DRG1: variants seen among roughly 807,000 people sequenced by gnomAD.
DRG1 encodes developmentally regulated GTP binding protein 1.
DRG1 carries 19 observed loss-of-function variants against 38.8 expected under a neutral mutation model. That is an observed-to-expected ratio of 0.49 (90% CI 0.34 to 0.72). The LOEUF is 0.72. Ranked by LOEUF, DRG1 falls within the 30% of genes least tolerant of loss-of-function variation. The pLI, the probability that DRG1 is intolerant of heterozygous loss-of-function variation, is 0.01. For synonymous variants in DRG1, 167 were observed against 157.5 expected (o/e 1.06, Z -0.45); for missense variants, 299 against 444.8 (o/e 0.67, Z 2.95).
intron 1 of DRG1, 94 bp downstream of exon 1, chr22:31,399,819 C>T: frequency 1.3e-6 from 2 of 1,587,112 alleles, no homozygotes; most frequent in Non-Finnish European, 1.7e-6. Flanking sequence ...GCGTCAGGAC[C>T]GGGCCTAGAT....
intron 3 of DRG1, among the ~76,000 whole-genome samples, chr22:31,405,276 T>C (rs937013255): frequency 1.3e-5 from 2 of 151,880 alleles, no homozygotes; most frequent in African/African-American, 4.8e-5. Flanking sequence ...TAAGTGATTC[T>C]TCTACCGCAG....
At chr22:31,415,752 A>G (rs578213222) in intron 4 of DRG1, among the ~76,000 whole-genome samples, 5 of 152,088 alleles carry the variant, frequency 3.3e-5, no homozygotes, top group South Asian at 2.1e-4. Flanking sequence ...TGTTTTTTCT[A>G]TACTTTTAGG....
At chr22:31,402,231 G>C (rs746722238) in intron 2 of DRG1, among the ~76,000 whole-genome samples, 5 of 152,064 alleles carry the variant, frequency 3.3e-5, no homozygotes, top group Non-Finnish European at 5.9e-5. Flanking sequence ...CGTAAGATCT[G>C]TGCACCTGGT....
intron 8 of DRG1, among the ~76,000 whole-genome samples, chr22:31,433,076 A>G (rs1278934974): frequency 6.6e-6 from 1 of 151,978 alleles, no homozygotes; most frequent in Non-Finnish European, 1.5e-5. Context: ...GGACATATCA[A>G]TTACAGTTTC....
At chr22:31,423,523 CTTTTTT>C (rs1229925627) in intron 6 of DRG1, 113 bp downstream of exon 6, 444 of 477,280 alleles carry the variant, frequency 9.3e-4, no homozygotes, top group East Asian at 2.5e-3. Context: ...GTCCTACTGT[CTTTTTT>C]TTTTTTTTTT....
chr22:31,421,278 A>AGTT (rs2050075222), intron 5 of DRG1: 1 of 138,160 alleles, frequency 7.2e-6, no homozygotes, highest in African/African-American at 2.8e-5. Flanking sequence ...AGGCTTGGCT[A>AGTT]ATTTTTTTTT....
chr22:31,427,789 A>G (rs1288947768), intron 8 of DRG1, among the ~76,000 whole-genome samples: 2 of 152,132 alleles, frequency 1.3e-5, no homozygotes, highest in African/African-American at 4.8e-5. Context: ...GCTGGAGTGC[A>G]ATGGCGTGAT....
intron 4 of DRG1, among the ~76,000 whole-genome samples, chr22:31,417,311 C>G (rs1020357206): frequency 6.6e-6 from 1 of 151,802 alleles, no homozygotes; most frequent in African/African-American, 2.4e-5. Flanking sequence ...GCAGAGGTTG[C>G]AGTGAGCCGA....
At chr22:31,399,755 A>G (rs1231230326) in intron 1 of DRG1, 30 bp downstream of exon 1, 6 of 1,613,796 alleles carry the variant, frequency 3.7e-6, no homozygotes, top group Non-Finnish European at 4.2e-6. Flanking sequence ...GTTCACTCTT[A>G]GTCTGAGCAT....
chr22:31,433,743 T>C (rs1467082302), intron 8 of DRG1, 129 bp from the exon 9 acceptor site: 1 of 703,390 alleles, frequency 1.4e-6, no homozygotes, highest in African/African-American at 1.8e-5. Flanking sequence ...CTAGGGAAGA[T>C]AAAGCTTTTG....
chr22:31,412,958 C>G (rs1447379325), intron 4 of DRG1, among the ~76,000 whole-genome samples: 4 of 151,840 alleles, frequency 2.6e-5, no homozygotes, highest in Non-Finnish European at 5.9e-5. Context: ...GTGGTAGACT[C>G]TTTCAGCATG....
chr22:31,422,123 AAG>A (rs2050080362), intron 5 of DRG1, among the ~76,000 whole-genome samples: 1 of 150,654 alleles, frequency 6.6e-6, no homozygotes, highest in Non-Finnish European at 1.5e-5. Context: ...AAAAAAAAGA[AAG>A]AAAGAAAGAA....
At chr22:31,431,399 GCTCACGCCTGTAAT>G (rs1307275372) in intron 8 of DRG1, among the ~76,000 whole-genome samples, 1 of 152,172 alleles carries the variant, frequency 6.6e-6, no homozygotes, top group Non-Finnish European at 1.5e-5. Flanking sequence ...AGGTGTGGTA[GCTCACGCCTGTAAT>G]CTCAGCACTT....
chr22:31,415,146 TTTTCAAGTA>T (rs1388107120), intron 4 of DRG1, among the ~76,000 whole-genome samples: 1 of 152,190 alleles, frequency 6.6e-6, no homozygotes, highest in Admixed American at 6.6e-5. Context: ...GTCTTACTGT[TTTTCAAGTA>T]TTTCTCTTAA....
At chr22:31,400,557 C>T in intron 1 of DRG1, 63 bp from the exon 2 acceptor site, 12 of 1,582,760 alleles carry the variant, frequency 7.6e-6, no homozygotes, top group Middle Eastern at 3.4e-4. Flanking sequence ...AAAAAATTAT[C>T]CTCTCAAAGC....
intron 8 of DRG1, among the ~76,000 whole-genome samples, chr22:31,430,228 C>T (rs1023680876): frequency 1.3e-5 from 2 of 152,056 alleles, no homozygotes; most frequent in Non-Finnish European, 2.9e-5. Context: ...GCCCTCTCAG[C>T]AAATAAAGTT....
intron 3 of DRG1, among the ~76,000 whole-genome samples, chr22:31,409,102 T>C (rs1221577371): frequency 1.3e-5 from 2 of 152,156 alleles, no homozygotes; most frequent in African/African-American, 4.8e-5. Context: ...TATTTATTTT[T>C]ATTATTTTTT....
At chr22:31,406,631 T>C (rs1319479146) in intron 3 of DRG1, among the ~76,000 whole-genome samples, 2 of 151,128 alleles carry the variant, frequency 1.3e-5, no homozygotes, top group Non-Finnish European at 1.5e-5. Context: ...GCCGAGATCG[T>C]GTTACTGCAC....
chr22:31,432,431 T>G (rs1354782696), intron 8 of DRG1, among the ~76,000 whole-genome samples: 88 of 146,272 alleles, frequency 6.0e-4, no homozygotes, highest in East Asian at 1.6e-3. Context: ...GTGTGTGTGT[T>G]TTTTTTTTTT....
Sources: allele counts gnomAD v4.1 joint callset (sites outside exome capture counted in the v4.1 genomes callset), GRCh38; gene constraint gnomAD v4.1.1; transcripts MANE v1.5; gene names NCBI Gene and HGNC (gene_info 2026-07-23, HGNC 2026-07-21).